The following CCSER1 variants were observed in gnomAD, a reference collection of about 807,000 sequenced individuals.
CCSER1 encodes coiled-coil serine rich protein 1.
A neutral mutation model predicts 82.0 loss-of-function variants in CCSER1; 41 were observed. That is an observed-to-expected ratio of 0.50 (90% CI 0.39 to 0.65). The LOEUF (loss-of-function observed/expected upper bound fraction) is 0.65, where lower values mean the gene tolerates loss of function less well. Ranked by LOEUF, CCSER1 falls within the 30% of genes least tolerant of loss-of-function variation. CCSER1 has a pLI of 0.00. For missense variants in CCSER1, 1,119 were observed against 1,064.2 expected (o/e 1.05, Z -0.72); for synonymous variants, 414 against 383.9 (o/e 1.08, Z -0.92).
intron 10 of CCSER1, among the ~76,000 whole-genome samples, chr4:91,241,575 C>T (rs1739370450): frequency 6.6e-6 from 1 of 151,952 alleles, no homozygotes; most frequent in Non-Finnish European, 1.5e-5. Context: ...ATCCACCCGC[C>T]TCAGCCTCCC....
chr4:90,610,883 T>C (rs1347520412), intron 5 of CCSER1, among the ~76,000 whole-genome samples: 1 of 152,054 alleles, frequency 6.6e-6, no homozygotes, highest in Non-Finnish European at 1.5e-5. Flanking sequence ...TCTTTTTTTG[T>C]TGTTGTTTCT....
chr4:90,312,713 G>A, intron 2 of CCSER1, 150 bp from the exon 3 acceptor site: 2 of 646,320 alleles, frequency 3.1e-6, no homozygotes, highest in South Asian at 2.0e-5. Context: ...ATGATTAAGT[G>A]AACTAAACTG....
chr4:90,787,176 T>C (rs1241149032), intron 7 of CCSER1, among the ~76,000 whole-genome samples: 1 of 152,164 alleles, frequency 6.6e-6, no homozygotes, highest in Admixed American at 6.5e-5. Context: ...ATGGAAGCAT[T>C]CCTTCCTCCA....
intron 10 of CCSER1, among the ~76,000 whole-genome samples, chr4:91,167,705 A>T (rs1475007040): frequency 1.3e-5 from 2 of 152,374 alleles, no homozygotes; most frequent in Middle Eastern, 3.4e-3. Flanking sequence ...ACTGTGGCTC[A>T]GGGAATATAT....
intron 7 of CCSER1, among the ~76,000 whole-genome samples, chr4:90,752,948 A>G (rs190164080): frequency 1.3e-5 from 2 of 152,142 alleles, no homozygotes; most frequent in East Asian, 3.9e-4. Flanking sequence ...CTCAATAAAT[A>G]TTTTCATTTA....
intron 5 of CCSER1, among the ~76,000 whole-genome samples, chr4:90,474,323 T>G (rs1286669060): frequency 1.3e-5 from 2 of 152,108 alleles, no homozygotes; most frequent in African/African-American, 4.8e-5. Flanking sequence ...CAAAATAGCT[T>G]CTTAAAGTGT....
intron 10 of CCSER1, among the ~76,000 whole-genome samples, chr4:91,153,605 G>T (rs1730484184): frequency 6.6e-6 from 1 of 151,920 alleles, no homozygotes; most frequent in Admixed American, 6.5e-5. Flanking sequence ...AGAGTTTTCA[G>T]CTTTTTTGCT....
chr4:90,864,717 A>G (rs919122652), intron 8 of CCSER1, among the ~76,000 whole-genome samples: 1 of 152,064 alleles, frequency 6.6e-6, no homozygotes, highest in Admixed American at 6.6e-5. Flanking sequence ...TTGACAATCT[A>G]TGGGAAGAGT....
At chr4:90,647,246 T>G (rs4692953) in intron 6 of CCSER1, among the ~76,000 whole-genome samples, 129,628 of 152,188 alleles carry the variant, frequency 0.85, 55,224 homozygotes, top group East Asian at 0.91. Flanking sequence ...AGTGAGCCAG[T>G]TTGGCCACTG....
At chr4:90,815,999 C>T (rs17017647) in intron 8 of CCSER1, among the ~76,000 whole-genome samples, 154 bp downstream of exon 8, 50,784 of 151,938 alleles carry the variant, frequency 0.33, 8,630 homozygotes, top group East Asian at 0.42. Context: ...GTCATGAAAA[C>T]TATAGATCTT....
intron 4 of CCSER1, among the ~76,000 whole-genome samples, chr4:90,433,869 G>GAT (rs138999636): frequency 0.16 from 24,271 of 147,558 alleles, 2,617 homozygotes; most frequent in East Asian, 0.45. Flanking sequence ...ATTTCCTGGA[G>GAT]ATATATATAT....
intron 7 of CCSER1, among the ~76,000 whole-genome samples, chr4:90,726,362 C>A (rs1013067657): frequency 6.6e-6 from 1 of 151,600 alleles, no homozygotes; most frequent in African/African-American, 2.4e-5. Flanking sequence ...CCACTAATAC[C>A]CATGCCTTTA....
rs1305071420 is a variant in CCSER1, at chr4:90,416,804, A to C, written c.1603+16675A>C. ...TACTAGTACTAAATATTCAAAAATC[A>C]AATAGGACACTTTGCTTATAATAGG... On this transcript the variant is annotated intron_variant, in intron 4 of 10. Transcript: ENST00000509176. 7.9e-5 allele frequency among the ~76,000 whole-genome samples: 12 copies of C among 152,196 alleles called. 1 individual carries two copies. The highest frequency in any genetic ancestry group is 7.9e-4 in the Admixed American group (12 of 15,286).
intron 10 of CCSER1, among the ~76,000 whole-genome samples, chr4:91,205,855 G>A (rs1014675120): frequency 2.0e-5 from 3 of 151,718 alleles, no homozygotes; most frequent in African/African-American, 7.3e-5. Flanking sequence ...AATATTTATT[G>A]AGCACAGCTC....
chr4:90,895,749 T>A (rs1723615175), intron 8 of CCSER1, among the ~76,000 whole-genome samples: 1 of 151,874 alleles, frequency 6.6e-6, no homozygotes, highest in African/African-American at 2.4e-5. Context: ...GAAAGTTGTA[T>A]ATATTATATA....
intron 3 of CCSER1, among the ~76,000 whole-genome samples, chr4:90,391,863 T>C (rs1751221754): frequency 6.6e-6 from 1 of 152,094 alleles, no homozygotes; most frequent in South Asian, 2.1e-4. Flanking sequence ...ACTCTTATAT[T>C]ATTTTCCCCC....
chr4:90,784,674 G>A (rs1754231876), intron 7 of CCSER1, among the ~76,000 whole-genome samples: 1 of 152,082 alleles, frequency 6.6e-6, no homozygotes, highest in Admixed American at 6.5e-5. Context: ...GAACAACAAG[G>A]GAGATAGAGG....
intron 5 of CCSER1, among the ~76,000 whole-genome samples, chr4:90,482,092 A>G (rs1766100411): frequency 6.6e-6 from 1 of 152,086 alleles, no homozygotes; most frequent in Non-Finnish European, 1.5e-5. Context: ...TTCCTGGTTG[A>G]GATTTGGGAG....
chr4:91,440,755 C>A (rs551016573), intron 10 of CCSER1, among the ~76,000 whole-genome samples: 20 of 152,148 alleles, frequency 1.3e-4, no homozygotes, highest in African/African-American at 3.9e-4. Flanking sequence ...AGAGAAGAAT[C>A]AAATAGATGC....
Sources: allele counts gnomAD v4.1 joint callset (sites outside exome capture counted in the v4.1 genomes callset), GRCh38; gene constraint gnomAD v4.1.1; transcripts MANE v1.5; gene names NCBI Gene and HGNC (gene_info 2026-07-23, HGNC 2026-07-21).